Variants in MSRA observed in about 807,000 individuals in gnomAD.
MSRA encodes mitochondrial peptide methionine sulfoxide reductase.
In MSRA, 54 loss-of-function variants were observed where a neutral mutation model predicts 31.3. That is an observed-to-expected ratio of 1.73 (90% CI 1.39 to 2.17). The LOEUF (loss-of-function observed/expected upper bound fraction) is 2.17, where lower values mean the gene tolerates loss of function less well. Ranked by LOEUF, MSRA falls within the 30% of genes most tolerant of loss-of-function variation. The probability of loss-of-function intolerance (pLI) is 0.00; values close to 1 mark genes in which losing one functional copy is unlikely to be tolerated. For synonymous variants in MSRA, 169 were observed against 116.5 expected (o/e 1.45, Z -2.90); for missense variants, 507 against 300.9 (o/e 1.69, Z -5.07).
At chr8:10,139,466 C>T (rs1802521260) in intron 1 of MSRA, among the ~76,000 whole-genome samples, 2 of 152,122 alleles carry the variant, frequency 1.3e-5, no homozygotes, top group South Asian at 2.1e-4. Flanking sequence ...TTTACTGTAG[C>T]CGTCACCCAA....
intron 1 of MSRA, among the ~76,000 whole-genome samples, chr8:10,173,508 A>G (rs1805779417): frequency 6.6e-6 from 1 of 152,234 alleles, no homozygotes; most frequent in Non-Finnish European, 1.5e-5. Flanking sequence ...TGAACCCTGA[A>G]GGAATCGGCC....
intron 1 of MSRA, among the ~76,000 whole-genome samples, chr8:10,077,842 C>G (rs997382603): frequency 2.0e-5 from 3 of 152,114 alleles, no homozygotes; most frequent in Admixed American, 1.3e-4. Context: ...CCATTGGTCC[C>G]ATTTACTCAT....
intron 1 of MSRA, among the ~76,000 whole-genome samples, chr8:10,059,323 C>T (rs976811859): frequency 9.9e-5 from 15 of 152,080 alleles, no homozygotes; most frequent in Non-Finnish European, 2.1e-4. Flanking sequence ...TTAATCCTTA[C>T]GGTAACCCAA....
chr8:10,391,764 G>T (rs1455498594), intron 5 of MSRA, among the ~76,000 whole-genome samples: 1 of 152,198 alleles, frequency 6.6e-6, no homozygotes, highest in African/African-American at 2.4e-5. Context: ...AGCATTTCAT[G>T]TCCTTATTTG....
chr8:10,265,641 A>T (rs1490961107), intron 3 of MSRA, among the ~76,000 whole-genome samples: 3 of 152,228 alleles, frequency 2.0e-5, no homozygotes, highest in African/African-American at 7.2e-5. Flanking sequence ...CATATTTTAA[A>T]GTGAACAGTA....
At chr8:10,147,624 C>A (rs1161565140) in intron 1 of MSRA, among the ~76,000 whole-genome samples, 1 of 152,158 alleles carries the variant, frequency 6.6e-6, no homozygotes. Context: ...ATGGGGCTGT[C>A]CTGGGGACAG....
At chr8:10,234,941 T>C (rs919966977) in intron 2 of MSRA, among the ~76,000 whole-genome samples, 3 of 152,026 alleles carry the variant, frequency 2.0e-5, no homozygotes, top group African/African-American at 7.2e-5. Flanking sequence ...CTGACAGAAC[T>C]AAAAGAGAAA....
chr8:10,359,631 A>G (rs998717646), intron 5 of MSRA, among the ~76,000 whole-genome samples: 4 of 151,984 alleles, frequency 2.6e-5, no homozygotes, highest in Admixed American at 2.6e-4. Flanking sequence ...CAGAGTATTT[A>G]CTGCCACAGA....
In MSRA at chr8:10,358,488, C is replaced by T. The variant is rs529332432; in HGVS notation, c.543+38499C>T. ...TTCTGGCCTATGGCCTGTTAGGAACCTGGTTGCACAGAAGGAGGTGAGCTG... is the reference window on the plus strand; with the variant it reads ...TTCTGGCCTATGGCCTGTTAGGAACTTGGTTGCACAGAAGGAGGTGAGCTG... On this transcript the variant is annotated intron_variant, in intron 5 of 5. Transcript: ENST00000317173. 5.8e-4 allele frequency among the ~76,000 whole-genome samples: 85 copies of T among 145,348 alleles called. 1 individual carries two copies. Among genetic ancestry groups the T allele is most frequent in the Admixed American group, 5.2e-3 (74 of 14,354 alleles).
At chr8:10,230,547 G>A (rs763516037) in intron 2 of MSRA, among the ~76,000 whole-genome samples, 4 of 152,122 alleles carry the variant, frequency 2.6e-5, no homozygotes, top group African/African-American at 7.2e-5. Context: ...AAATACAAAA[G>A]AAAACCAGAG....
intron 1 of MSRA, among the ~76,000 whole-genome samples, chr8:10,072,493 G>T (rs1312178270): frequency 6.6e-6 from 1 of 152,122 alleles, no homozygotes; most frequent in Non-Finnish European, 1.5e-5. Context: ...TTGTCATGCT[G>T]TCTTGGTTAT....
intron 1 of MSRA, among the ~76,000 whole-genome samples, chr8:10,162,555 GC>G (rs1213278762): frequency 6.6e-6 from 1 of 152,138 alleles, no homozygotes; most frequent in African/African-American, 2.4e-5. Context: ...AGGACTGGCG[GC>G]CGTCAGTGGG....
intron 2 of MSRA, among the ~76,000 whole-genome samples, chr8:10,214,318 A>G (rs1809787896): frequency 6.6e-6 from 1 of 152,106 alleles, no homozygotes; most frequent in Admixed American, 6.5e-5. Flanking sequence ...CGGCCCCTCC[A>G]AGGAGAGTGA....
intron 1 of MSRA, among the ~76,000 whole-genome samples, chr8:10,185,038 A>T (rs1806895888): frequency 6.6e-6 from 1 of 152,204 alleles, no homozygotes; most frequent in South Asian, 2.1e-4. Flanking sequence ...TTCTTTCCTC[A>T]TGCCTTCTGC....
chr8:10,275,554 C>T (rs1799277522), intron 3 of MSRA, among the ~76,000 whole-genome samples: 1 of 152,158 alleles, frequency 6.6e-6, no homozygotes, highest in Non-Finnish European at 1.5e-5. Context: ...GAGTCCAATT[C>T]TCTTTCTCAG....
At chr8:10,308,146 C>T (rs1801238800) in intron 4 of MSRA, among the ~76,000 whole-genome samples, 1 of 152,160 alleles carries the variant, frequency 6.6e-6, no homozygotes, top group Non-Finnish European at 1.5e-5. Flanking sequence ...TAGGCAAGAA[C>T]TCTTGTTTAA....
chr8:10,365,864 C>T (rs544811193), intron 5 of MSRA, among the ~76,000 whole-genome samples: 2 of 152,324 alleles, frequency 1.3e-5, no homozygotes, highest in South Asian at 2.1e-4. Context: ...GCTGTGAACC[C>T]AGGACTCCTG....
intron 1 of MSRA, among the ~76,000 whole-genome samples, chr8:10,097,049 G>C (rs1285736446): frequency 6.6e-6 from 1 of 151,962 alleles, no homozygotes; most frequent in African/African-American, 2.4e-5. Context: ...TTAATCCTTC[G>C]ACAATAAAAA....
chr8:10,115,713 G>A (rs1347384975), intron 1 of MSRA, among the ~76,000 whole-genome samples: 6 of 152,160 alleles, frequency 3.9e-5, no homozygotes, highest in African/African-American at 1.2e-4. Context: ...GAGGGCCCAC[G>A]GATCTGCGTG....
Sources: gnomAD v4.1 joint callset for allele counts (sites outside exome capture counted in the v4.1 genomes callset) on GRCh38, gnomAD v4.1.1 for gene constraint, MANE v1.5 for transcripts, NCBI Gene and HGNC (gene_info 2026-07-23, HGNC 2026-07-21) for gene names.